Variants in TANC2 observed in about 807,000 individuals in gnomAD.
TANC2 encodes tetratricopeptide repeat, ankyrin repeat and coiled-coil containing 2.
Under a neutral mutation model 210.5 loss-of-function variants are expected in TANC2, and 26 were observed. The ratio of observed to expected loss-of-function variants is 0.12; its 90% CI spans 0.09 to 0.17. The LOEUF (loss-of-function observed/expected upper bound fraction) is 0.17. TANC2 is among the 10% of genes least tolerant of loss of function. The probability of loss-of-function intolerance (pLI) is 1.00; values close to 1 mark genes in which losing one functional copy is unlikely to be tolerated. For missense variants in TANC2, 2,129 were observed against 2,608.9 expected, an observed-to-expected ratio of 0.82 and a Z score of 4.01; for synonymous variants, 931 against 967.1, an observed-to-expected ratio of 0.96 and a Z score of 0.69.
rs759013445 is a variant in TANC2 at position 63,308,273 on chromosome 17, C to T, written c.1160-6115C>T. On this transcript the variant is annotated intron_variant, in intron 9 of 27. Coordinates refer to ENST00000689528, the Ensembl canonical transcript of TANC2. ...AACTGGAAAAATCTTTGGCTTCTTC[C>T]GCTCCCTATCCCTCTACATCTAGTT... Among the ~76,000 whole-genome samples, 6 of 152,082 alleles carry T rather than the reference C, an allele frequency of 3.9e-5. No individual in the cohort carries two copies. In the East Asian group the frequency reaches 5.8e-4, roughly 15 times the overall value.
chr17:63,055,821 A>G lies in TANC2; in HGVS notation c.68-18122A>G, dbSNP rs190409288. Among the ~76,000 whole-genome samples the G allele has an allele frequency of 2.3e-3, 343 of 150,262 alleles. 2 individuals carry two copies. The highest frequency in any genetic ancestry group is 4.4e-3 in the Non-Finnish European group (297 of 67,572). On this transcript the variant is annotated intron_variant, in intron 2 of 27. Coordinates refer to ENST00000689528, the Ensembl canonical transcript of TANC2. ...GCTTTTTTGAGTAATGGATTCCTAG[A>G]TTCTATGAGGATACCACAACCACTT...
intron 4 of TANC2, among the ~76,000 whole-genome samples, chr17:63,137,417 C>A (rs1458778385): frequency 6.6e-6 from 1 of 152,136 alleles, no homozygotes; most frequent in East Asian, 1.9e-4. Context: ...AGTGTCTTTT[C>A]TTTTCAAATG....
chr17:63,007,829 C>T (rs77822268), intron 1 of TANC2, among the ~76,000 whole-genome samples: 4,393 of 152,094 alleles, frequency 0.029, 81 homozygotes, highest in South Asian at 0.037. Context: ...ATTTACCCTT[C>T]CTATGGCTCT....
At chr17:63,351,209 C>A in intron 12 of TANC2, 41 bp from the exon 13 acceptor site, 1 of 1,516,908 alleles carries the variant, frequency 6.6e-7, no homozygotes, top group Non-Finnish European at 8.9e-7. Flanking sequence ...CTCATTTATC[C>A]ACTTGGTAAT....
chr17:63,403,517 A>C (rs1448309885), intron 19 of TANC2, among the ~76,000 whole-genome samples: 1 of 152,182 alleles, frequency 6.6e-6, no homozygotes, highest in Non-Finnish European at 1.5e-5. Flanking sequence ...AGAAAGAGGG[A>C]GCATCACTTA....
intron 2 of TANC2, among the ~76,000 whole-genome samples, chr17:63,024,059 T>A (rs2034454488): frequency 6.6e-6 from 1 of 152,200 alleles, no homozygotes; most frequent in African/African-American, 2.4e-5. Flanking sequence ...ATAATTTCTG[T>A]ATTTTGTGGT....
At chr17:63,414,436 TC>T (rs2048798327) in intron 25 of TANC2, 1 of 152,208 alleles carries the variant, frequency 6.6e-6, no homozygotes, top group Admixed American at 6.5e-5. Context: ...AATCTAGGAC[TC>T]CCAGGCTTTC....
chr17:63,088,239 A>G (rs1195718468), intron 3 of TANC2: 1 of 152,176 alleles, frequency 6.6e-6, no homozygotes, highest in Non-Finnish European at 1.5e-5. Context: ...TATAGTCATA[A>G]GGTTTCTTTC....
chr17:63,037,170 A>G (rs955354357), intron 2 of TANC2, among the ~76,000 whole-genome samples: 2 of 152,168 alleles, frequency 1.3e-5, no homozygotes, highest in Non-Finnish European at 2.9e-5. Context: ...TGATCTGATA[A>G]CTAAGATCAC....
intron 9 of TANC2, among the ~76,000 whole-genome samples, chr17:63,277,482 T>C (rs2043916090): frequency 6.7e-6 from 1 of 149,316 alleles, no homozygotes; most frequent in African/African-American, 2.5e-5. Context: ...AAGTAATCTT[T>C]CTAAAATGCA....
At chr17:63,370,410 C>A (rs1327767160) in intron 14 of TANC2, among the ~76,000 whole-genome samples, 1 of 151,862 alleles carries the variant, frequency 6.6e-6, no homozygotes, top group South Asian at 2.1e-4. Flanking sequence ...GATCTCCTGA[C>A]CTCGTGATCC....
intron 14 of TANC2, among the ~76,000 whole-genome samples, chr17:63,360,670 G>A (rs1187428763): frequency 6.6e-6 from 1 of 152,110 alleles, no homozygotes; most frequent in African/African-American, 2.4e-5. Context: ...ATTTTTAAAT[G>A]TTTGATTAAA....
chr17:63,410,052 A>G (rs1175902053), intron 21 of TANC2, among the ~76,000 whole-genome samples: 3 of 152,158 alleles, frequency 2.0e-5, no homozygotes, highest in Admixed American at 6.5e-5. Flanking sequence ...CTGAAATCAG[A>G]TTTTCAGATG....
At chr17:63,397,241 C>T (rs1332836644) in intron 18 of TANC2, among the ~76,000 whole-genome samples, 1 of 152,096 alleles carries the variant, frequency 6.6e-6, no homozygotes, top group East Asian at 1.9e-4. Flanking sequence ...TGCCATTGTA[C>T]TCCAGCCTGG....
At chr17:63,209,897 T>C (rs1349645974) in intron 7 of TANC2, among the ~76,000 whole-genome samples, 1 of 152,242 alleles carries the variant, frequency 6.6e-6, no homozygotes, top group Non-Finnish European at 1.5e-5. Context: ...TCTTTTGAGG[T>C]GATGAAATAG....
At chr17:63,020,154 C>G (rs894988274) in intron 2 of TANC2, among the ~76,000 whole-genome samples, 9 of 152,302 alleles carry the variant, frequency 5.9e-5, no homozygotes, top group Admixed American at 5.9e-4. Context: ...TCTTGAACTC[C>G]TCACCTCAGG....
chr17:63,157,530 C>G (rs896132488), intron 5 of TANC2, among the ~76,000 whole-genome samples: 4 of 152,110 alleles, frequency 2.6e-5, no homozygotes, highest in Admixed American at 2.0e-4. Flanking sequence ...TAGAGCCAGA[C>G]TGCCTGTGTT....
intron 7 of TANC2, among the ~76,000 whole-genome samples, chr17:63,201,741 A>C (rs1419978094): frequency 6.6e-6 from 1 of 152,058 alleles, no homozygotes; most frequent in Non-Finnish European, 1.5e-5. Flanking sequence ...TGATAAAGGC[A>C]ATGCTGATTG....
rs532334722 is a variant in TANC2 at position 63,070,225 on chromosome 17, GA to G, written c.68-3710del. Among the ~76,000 whole-genome samples, 7 of 152,068 alleles carry G rather than the reference GA, an allele frequency of 4.6e-5. No individual in the cohort carries two copies. In the South Asian group the frequency reaches 1.0e-3, roughly 23 times the overall value. On this transcript the variant is annotated intron_variant, in intron 2 of 27. Transcript: ENST00000689528. ...AGAATAAAAACCATAAACTTAAGGG[GA>G]AAAAAAATCTCTTTCACAGTGCATT... is the stretch of plus-strand genomic sequence containing the variant.
Sources: allele counts gnomAD v4.1 joint callset (sites outside exome capture counted in the v4.1 genomes callset), GRCh38; gene constraint gnomAD v4.1.1; transcripts MANE v1.5; gene names NCBI Gene and HGNC (gene_info 2026-07-23, HGNC 2026-07-21).